Variants in PRMT8 observed in about 807,000 individuals in gnomAD.
PRMT8 encodes protein arginine N-methyltransferase 8.
In PRMT8, 7 loss-of-function variants were observed where a neutral mutation model predicts 47.1. The observed-to-expected ratio is 0.15, with a 90% CI of 0.08 to 0.28. The LOEUF (loss-of-function observed/expected upper bound fraction) is 0.28, where lower values mean the gene tolerates loss of function less well. PRMT8 is among the 10% of genes least tolerant of loss of function. PRMT8 has a pLI of 1.00. For missense variants in PRMT8, 237 were observed against 505.4 expected (o/e 0.47, Z 5.09); for synonymous variants, 188 against 186.5 (o/e 1.01, Z -0.07).
intron 1 of PRMT8, among the ~76,000 whole-genome samples, chr12:3,427,579 C>A (rs1484952648): frequency 2.6e-5 from 4 of 151,896 alleles, no homozygotes; most frequent in African/African-American, 9.7e-5. Context: ...TTTCCTTACA[C>A]ACCTTGCACA....
intron 1 of PRMT8, among the ~76,000 whole-genome samples, chr12:3,387,689 T>A (rs1168643280): frequency 1.3e-5 from 2 of 152,256 alleles, no homozygotes; most frequent in African/African-American, 4.8e-5. Context: ...CAATCTTTAT[T>A]TTGAAAACAT....
intron 1 of PRMT8, among the ~76,000 whole-genome samples, chr12:3,458,808 C>T (rs1591556015): frequency 6.6e-6 from 1 of 152,182 alleles, no homozygotes; most frequent in African/African-American, 2.4e-5. Context: ...AGTGGATAGA[C>T]ACTCCCTTCC....
At chr12:3,448,973 T>G (rs1864888779) in intron 1 of PRMT8, among the ~76,000 whole-genome samples, 1 of 152,064 alleles carries the variant, frequency 6.6e-6, no homozygotes, top group African/African-American at 2.4e-5. Flanking sequence ...CACTTATAAG[T>G]GAGAACACGC....
chr12:3,451,033 A>ACCCCCCCC lies in PRMT8; in HGVS notation c.48+69606_48+69613dup, dbSNP rs71061115. ...TGAAAGCAGTTTTGATCTTGCTGAC[A>ACCCCCCCC]CCCCCCCCCCCCCCCCCCCCCCGCC... On this transcript the variant is annotated intron_variant, in intron 1 of 9. Transcript: ENST00000452611. 6.2e-3 allele frequency among the ~76,000 whole-genome samples: 162 copies of ACCCCCCCC among 26,112 alleles called. 65 individuals carry two copies. Among genetic ancestry groups the ACCCCCCCC allele is most frequent in the Admixed American group, 6.9e-3 (11 of 1,602 alleles). The allele number at this position is 26,112 out of a possible 152,430, so 17.1% of individuals were successfully genotyped here.
chr12:3,450,681 T>G (rs1363700490), intron 1 of PRMT8, among the ~76,000 whole-genome samples: 3 of 152,228 alleles, frequency 2.0e-5, no homozygotes, highest in Non-Finnish European at 4.4e-5. Context: ...GCAACTCAAT[T>G]CCACACTGCT....
At chr12:3,591,739 A>G (rs1206366248) in intron 8 of PRMT8, among the ~76,000 whole-genome samples, 1 of 152,112 alleles carries the variant, frequency 6.6e-6, no homozygotes, top group Non-Finnish European at 1.5e-5. Context: ...TACCTGCCAT[A>G]TCAGTGGATC....
intron 1 of PRMT8, among the ~76,000 whole-genome samples, chr12:3,411,374 A>G (rs981258950): frequency 2.0e-5 from 3 of 152,220 alleles, no homozygotes; most frequent in African/African-American, 7.2e-5. Flanking sequence ...TGCTTTGATC[A>G]TCTTTCAGTT....
chr12:3,505,009 C>G (rs1865596366), intron 1 of PRMT8, among the ~76,000 whole-genome samples: 1 of 130,120 alleles, frequency 7.7e-6, no homozygotes, highest in African/African-American at 3.0e-5. Flanking sequence ...AAAGGGAACT[C>G]CCTGACCCCT....
At position 3,512,077 on chromosome 12, in the gene PRMT8, C is replaced by T. The variant is rs563754261; in HGVS notation, c.75+20377C>T. On this transcript the variant is annotated intron_variant, in intron 1 of 9. Coordinates refer to ENST00000382622, the MANE Select transcript of PRMT8 (RefSeq NM_019854.5). Reference sequence around the variant, plus strand: ...GCAGTTACTTTCCTTTGATGTGGCTCTTGACAGTGGCCTTGGAGACCCCCT... The same window carrying T: ...GCAGTTACTTTCCTTTGATGTGGCTTTTGACAGTGGCCTTGGAGACCCCCT... Among the ~76,000 whole-genome samples the T allele has an allele frequency of 4.5e-4, 69 of 152,238 alleles. 1 individual carries two copies. Among genetic ancestry groups the T allele is most frequent in the South Asian group, 3.5e-3 (17 of 4,820 alleles).
intron 1 of PRMT8, among the ~76,000 whole-genome samples, chr12:3,433,680 C>T (rs1403278632): frequency 5.3e-5 from 8 of 152,086 alleles, no homozygotes; most frequent in South Asian, 2.1e-4. Flanking sequence ...GGCGCGATCT[C>T]GGCTCACTGC....
At chr12:3,520,135 G>A (rs1017773959) in intron 1 of PRMT8, among the ~76,000 whole-genome samples, 1 of 152,206 alleles carries the variant, frequency 6.6e-6, no homozygotes, top group Admixed American at 6.5e-5. Flanking sequence ...AAAAGCCACT[G>A]AGTCCCCTCC....
chr12:3,476,353 C>A (rs1349289462), intron 1 of PRMT8, among the ~76,000 whole-genome samples: 1 of 152,150 alleles, frequency 6.6e-6, no homozygotes, highest in African/African-American at 2.4e-5. Flanking sequence ...GTACTGGGAG[C>A]CTGCGTCTGC....
At chr12:3,449,424 C>A (rs1279240441) in intron 1 of PRMT8, among the ~76,000 whole-genome samples, 2 of 152,184 alleles carry the variant, frequency 1.3e-5, no homozygotes, top group Non-Finnish European at 2.9e-5. Flanking sequence ...TTAATAATTT[C>A]CATTCTGACT....
At chr12:3,399,552 G>A (rs1053638425) in intron 1 of PRMT8, among the ~76,000 whole-genome samples, 5 of 152,126 alleles carry the variant, frequency 3.3e-5, no homozygotes, top group African/African-American at 1.2e-4. Context: ...GACATCATGA[G>A]CCTCTTGTGT....
upstream of PRMT8, chr12:3,491,193 G>A: frequency 1.0e-6 from 1 of 993,010 alleles, no homozygotes; most frequent in Non-Finnish European, 1.2e-6. Context: ...AGACGCGCAG[G>A]AAGCGTGTTG....
At chr12:3,567,793 G>A (rs958956902) in intron 4 of PRMT8, among the ~76,000 whole-genome samples, 1 of 152,208 alleles carries the variant, frequency 6.6e-6, no homozygotes, top group Non-Finnish European at 1.5e-5. Flanking sequence ...ACACACATTG[G>A]CTGGCTGTGG....
At chr12:3,521,636 G>A (rs1865882848) in intron 1 of PRMT8, among the ~76,000 whole-genome samples, 1 of 152,200 alleles carries the variant, frequency 6.6e-6, no homozygotes, top group South Asian at 2.1e-4. Context: ...AAACAAGCGT[G>A]TGAAAATTGT....
chr12:3,429,477 CAAAG>C (rs1234545471), intron 1 of PRMT8, among the ~76,000 whole-genome samples: 2 of 152,254 alleles, frequency 1.3e-5, no homozygotes, highest in Middle Eastern at 3.4e-3. Flanking sequence ...CACCACAAAA[CAAAG>C]AACAGGTAAA....
chr12:3,446,374 T>C (rs1429236368), intron 1 of PRMT8, among the ~76,000 whole-genome samples: 2 of 152,026 alleles, frequency 1.3e-5, no homozygotes, highest in Admixed American at 1.3e-4. Context: ...TGCAGACTAC[T>C]GTGAGCCGGC....
Sources: allele counts gnomAD v4.1 joint callset (sites outside exome capture counted in the v4.1 genomes callset), GRCh38; gene constraint gnomAD v4.1.1; transcripts MANE v1.5; gene names NCBI Gene and HGNC (gene_info 2026-07-23, HGNC 2026-07-21).